USP39: variants seen among roughly 807,000 people sequenced by gnomAD.
The protein encoded by USP39 is ubiquitin carboxyl-terminal hydrolase 39.
A neutral mutation model predicts 66.4 loss-of-function variants in USP39; 38 were observed. That is an observed-to-expected ratio of 0.57 (90% CI 0.44 to 0.75). The LOEUF is 0.75. Among genes scored for constraint, USP39 ranks in the 30% least tolerant of loss-of-function variants. The pLI is 0.00. For synonymous variants in USP39, 303 were observed against 274.6 expected, an observed-to-expected ratio of 1.10 and a Z score of -1.02; for missense variants, 608 against 714.4, an observed-to-expected ratio of 0.85 and a Z score of 1.70.
chr2:85,646,856 A>G (rs1676681457), intron 11 of USP39, among the ~76,000 whole-genome samples: 1 of 150,332 alleles, frequency 6.7e-6, no homozygotes, highest in Admixed American at 6.6e-5. Context: ...GTGTCCACCA[A>G]GGACACCTTT....
rs375995689 is a variant in USP39 at position 85,648,666 on chromosome 2, C to T, written c.1651-95C>T. 97 of 1,424,226 alleles carry T rather than the reference C, an allele frequency of 6.8e-5. No individual in the cohort carries two copies. The East Asian group carries it at 7.5e-4, about 11-fold the overall frequency. 88.2% of individuals were successfully genotyped at this position (1,424,226 alleles called of 1,614,324 possible). Reference sequence around the variant, plus strand: ...TATAGCAGATTTGTAAATGGGGTGACAAGTTGTCCATGGCCTGGCACAGAA... The same window carrying T: ...TATAGCAGATTTGTAAATGGGGTGATAAGTTGTCCATGGCCTGGCACAGAA... On this transcript the variant is annotated intron_variant, in intron 12 of 12. Transcript: ENST00000323701.
At chr2:85,638,693 A>G (rs1191818898) in intron 8 of USP39, among the ~76,000 whole-genome samples, 1 of 151,570 alleles carries the variant, frequency 6.6e-6, no homozygotes, top group Non-Finnish European at 1.5e-5. Context: ...CGCCACCACC[A>G]CGCCCGGCTT....
intron 8 of USP39, 23 bp from the exon 9 acceptor site, chr2:85,639,180 C>G (rs759402872): frequency 1.2e-6 from 2 of 1,604,602 alleles, no homozygotes; most frequent in Non-Finnish European, 1.7e-6. Flanking sequence ...CCTTTCCTCT[C>G]TTTTCTTCTC....
At chr2:85,611,713 G>T, upstream of USP39, 1 of 1,595,704 alleles carries the variant, frequency 6.3e-7, no homozygotes, top group South Asian at 1.1e-5. Flanking sequence ...TTGCGGGGCC[G>T]CGTCGGCGCG....
chr2:85,616,044 C>T, upstream of USP39: 1 of 1,292,410 alleles, frequency 7.7e-7, no homozygotes, highest in East Asian at 3.1e-5. Context: ...GCAGGAACAG[C>T]ACCGCCCACA....
intron 10 of USP39, among the ~76,000 whole-genome samples, chr2:85,641,491 A>T (rs1458875818): frequency 6.6e-6 from 1 of 152,210 alleles, no homozygotes; most frequent in African/African-American, 2.4e-5. Flanking sequence ...TTTGCACACT[A>T]GAGTTGTACT....
chr2:85,614,241 G>C (rs972769771), upstream of USP39, among the ~76,000 whole-genome samples: 1 of 152,170 alleles, frequency 6.6e-6, no homozygotes, highest in African/African-American at 2.4e-5. Context: ...GTAGCCAGGT[G>C]TCGCGGCTTA....
chr2:85,612,663 T>TC (rs1440577104), upstream of USP39, among the ~76,000 whole-genome samples: 1 of 127,728 alleles, frequency 7.8e-6, no homozygotes, highest in African/African-American at 4.9e-5. Flanking sequence ...TTATTTTTCC[T>TC]TTTTTTTTTC....
At chr2:85,616,678 CTTTT>C (rs4019533) in intron 1 of USP39, among the ~76,000 whole-genome samples, 13 of 106,922 alleles carry the variant, frequency 1.2e-4, no homozygotes, top group African/African-American at 1.1e-4. Context: ...TTTCTTTTTT[CTTTT>C]TTTTTTTTTT....
intron 1 of USP39, chr2:85,607,058 TTAA>T (rs1673240632): frequency 6.6e-6 from 1 of 152,150 alleles, no homozygotes; most frequent in Non-Finnish European, 1.5e-5. Flanking sequence ...CTTCCTTTAC[TTAA>T]TAAGAATGCG....
rs1018208750 is a variant in USP39 at position 85,648,998 on chromosome 2, T to G, written c.*190T>G. ...GCCCCACACTGTCACTCAGCTGTTC[T>G]TTGATCATTTTTTTCTAGATTGATG... is the stretch of plus-strand genomic sequence containing the variant. On this transcript the variant is annotated 3_prime_UTR_variant, in exon 13 of 13. Coordinates refer to ENST00000323701, the MANE Select transcript of USP39 (RefSeq NM_006590.4). 1.5e-6 allele frequency: 1 copy of G among 664,670 alleles called. No homozygotes were observed. The highest frequency in any genetic ancestry group is 1.8e-5 in the African/African-American group (1 of 55,354). The allele number at this position is 664,670 out of a possible 1,614,324, so 41.2% of individuals were successfully genotyped here. A position where few individuals can be genotyped will look rare whatever the true frequency, so the allele number is the denominator to read the frequency against.
upstream of USP39, chr2:85,611,976 C>T (rs748499030): frequency 1.9e-6 from 3 of 1,541,508 alleles, no homozygotes; most frequent in African/African-American, 2.8e-5. Flanking sequence ...GATGCGGCCC[C>T]GCCTCCATCA....
chr2:85,604,587 T>C (rs1391544669), intron 1 of USP39, among the ~76,000 whole-genome samples: 3 of 152,200 alleles, frequency 2.0e-5, no homozygotes, highest in Admixed American at 1.3e-4. Context: ...TAGTGATCAC[T>C]GTACAAGCAC....
At chr2:85,635,324 C>G (rs1675676023) in intron 6 of USP39, among the ~76,000 whole-genome samples, 1 of 152,196 alleles carries the variant, frequency 6.6e-6, no homozygotes, top group Non-Finnish European at 1.5e-5. Flanking sequence ...CTTTGGGAGG[C>G]TGAGGCGGGA....
chr2:85,612,376 CA>C (rs747232726), upstream of USP39: 153 of 1,535,630 alleles, frequency 1.0e-4, no homozygotes, highest in African/African-American at 1.9e-3. Flanking sequence ...GGATGCTGTG[CA>C]ATCCATCGCC....
rs763669112 is a variant in USP39 at position 85,640,291 on chromosome 2, CT to C, written c.1285-670del. ...AAACTCCAAAAAGTGGGGAGACATACTTTTTTTTTTTTTTTGAGATGGAGTC... is the reference window on the plus strand; with the variant it reads ...AAACTCCAAAAAGTGGGGAGACATACTTTTTTTTTTTTTTGAGATGGAGTC... On this transcript the variant is annotated intron_variant, in intron 9 of 12. Coordinates refer to ENST00000323701, the MANE Select transcript of USP39 (RefSeq NM_006590.4). 5.2e-3 allele frequency among the ~76,000 whole-genome samples: 737 copies of C among 141,756 alleles called. 2 individuals carry two copies. The highest frequency in any genetic ancestry group is 6.6e-3 in the African/African-American group (259 of 38,968). 93.0% of individuals were successfully genotyped at this position (141,756 alleles called of 152,430 possible).
chr2:85,604,813 G>GGTTT (rs1286315761), intron 1 of USP39, among the ~76,000 whole-genome samples: 1 of 152,186 alleles, frequency 6.6e-6, no homozygotes, highest in African/African-American at 2.4e-5. Context: ...TCTTGAGCTG[G>GGTTT]GTTTGAGTCC....
At chr2:85,644,513 C>G (rs969535398) in intron 10 of USP39, among the ~76,000 whole-genome samples, 1 of 152,058 alleles carries the variant, frequency 6.6e-6, no homozygotes, top group Non-Finnish European at 1.5e-5. Context: ...CTCACTTTAG[C>G]CGTAATCTCC....
intron 2 of USP39, 39 bp from the exon 3 acceptor site, chr2:85,621,446 T>C (rs1047648447): frequency 1.9e-6 from 3 of 1,587,296 alleles, no homozygotes; most frequent in Non-Finnish European, 2.6e-6. Context: ...CCTTCCTACA[T>C]GTCCATCCTA....
Sources: allele counts gnomAD v4.1 joint callset (sites outside exome capture counted in the v4.1 genomes callset), GRCh38; gene constraint gnomAD v4.1.1; transcripts MANE v1.5; gene names NCBI Gene and HGNC (gene_info 2026-07-23, HGNC 2026-07-21).